ALG6: variants seen among roughly 807,000 people sequenced by gnomAD.
ALG6 encodes the protein dolichyl pyrophosphate Man9GlcNAc2 alpha-1,3-glucosyltransferase.
A neutral mutation model predicts 66.6 loss-of-function variants in ALG6; 46 were observed. The ratio of observed to expected loss-of-function variants is 0.69; its 90% CI spans 0.55 to 0.88. The LOEUF is 0.88. Among genes scored for constraint, ALG6 ranks in the 40% least tolerant of loss-of-function variants. The probability of loss-of-function intolerance (pLI) is 0.00; values close to 1 mark genes in which losing one functional copy is unlikely to be tolerated. For synonymous variants in ALG6, 185 were observed against 203.7 expected (o/e 0.91, Z 0.78); for missense variants, 505 against 586.8 (o/e 0.86, Z 1.44).
intron 2 of ALG6, among the ~76,000 whole-genome samples, chr1:63,379,758 T>C (rs1035049481): frequency 1.3e-5 from 2 of 149,314 alleles, no homozygotes; most frequent in Non-Finnish European, 3.0e-5. Context: ...AAAACAAATA[T>C]AAATCATACA....
chr1:63,435,886 G>C (rs1644676411), intron 14 of ALG6, among the ~76,000 whole-genome samples: 2 of 152,090 alleles, frequency 1.3e-5, no homozygotes, highest in African/African-American at 2.4e-5. Flanking sequence ...CATTGGCCTA[G>C]AGAAGACCAC....
chr1:63,416,546 T>C (rs1427774853), intron 11 of ALG6, among the ~76,000 whole-genome samples: 3 of 152,102 alleles, frequency 2.0e-5, no homozygotes, highest in African/African-American at 7.2e-5. Context: ...GGAGAGGATA[T>C]AGTGAAAGAT....
chr1:63,424,991 G>T (rs1232119811), intron 12 of ALG6, among the ~76,000 whole-genome samples: 6 of 151,952 alleles, frequency 3.9e-5, no homozygotes, highest in Non-Finnish European at 5.9e-5. Flanking sequence ...TGTTGGTCAG[G>T]CTGGTCTCGA....
chr1:63,422,280 AAT>A lies in ALG6; in HGVS notation c.1058+2849_1058+2850del, dbSNP rs1364261695. Among the ~76,000 whole-genome samples the A allele has an allele frequency of 1.3e-4, 10 of 76,056 alleles. 1 individual carries two copies. Among genetic ancestry groups the A allele is most frequent in the African/African-American group, 4.3e-4 (7 of 16,410 alleles). The allele number at this position is 76,056 out of a possible 152,430, so 49.9% of individuals were successfully genotyped here. ...TTATATAGATATAAATATATATATA[AAT>A]ATATATATTTATATAGATATAAATA... On this transcript the variant is annotated intron_variant, in intron 12 of 14. Transcript: ENST00000263440.
At chr1:63,402,507 C>T (rs1204264168) in intron 4 of ALG6, among the ~76,000 whole-genome samples, 164 bp downstream of exon 4, 1 of 140,890 alleles carries the variant, frequency 7.1e-6, no homozygotes, top group Admixed American at 7.3e-5. Flanking sequence ...CACTCCATCG[C>T]CCAGGCTGGA....
intron 14 of ALG6, chr1:63,429,527 A>G (rs1431925410): frequency 1.2e-5 from 2 of 166,638 alleles, no homozygotes; most frequent in Non-Finnish European, 2.6e-5. Context: ...TCTAGAGACT[A>G]AAAGTTCAAG....
chr1:63,384,359 G>C (rs1314429173), intron 2 of ALG6, among the ~76,000 whole-genome samples: 1 of 151,850 alleles, frequency 6.6e-6, no homozygotes, highest in Non-Finnish European at 1.5e-5. Flanking sequence ...TTTTCCTATT[G>C]AGTTGCTTGA....
rs1644468907 is a variant in ALG6, at chr1:63,402,338, A to G, written c.252A>G (p.Ala84=). ...PLTAYHSLLC[A]YVAKFINPDW... is the part of the protein sequence containing the mutation. ...CAGCTTATCATAGTCTCCTATGTGC[A>G]TATGTGTAAGTTTTTCTTTCTTAAT... is the stretch of plus-strand genomic sequence containing the variant. The change falls in exon 4 of 15, where the codon GCA becomes GCG. Residue 84 remains alanine, a synonymous_variant. Transcript: ENST00000263440. 1 of 1,605,526 alleles carries G rather than the reference A, an allele frequency of 6.2e-7. No individual in the cohort carries two copies. Among genetic ancestry groups the G allele is most frequent in the Admixed American group, 1.7e-5 (1 of 59,942 alleles).
chr1:63,414,793 C>T (rs1644534847), intron 10 of ALG6, among the ~76,000 whole-genome samples: 1 of 152,014 alleles, frequency 6.6e-6, no homozygotes, highest in South Asian at 2.1e-4. Context: ...TGTGTGAATT[C>T]GTGACAAGGA....
intron 2 of ALG6, among the ~76,000 whole-genome samples, chr1:63,372,278 A>C (rs1263593410): frequency 6.6e-6 from 1 of 152,188 alleles, no homozygotes; most frequent in Non-Finnish European, 1.5e-5. Context: ...ATGTTAGTGA[A>C]AAAGGGTCAT....
intron 2 of ALG6, among the ~76,000 whole-genome samples, chr1:63,383,999 T>A (rs1648422264): frequency 6.6e-6 from 1 of 152,200 alleles, no homozygotes; most frequent in Non-Finnish European, 1.5e-5. Context: ...AGTGACAGGA[T>A]CTCATTCTTT....
intron 14 of ALG6, among the ~76,000 whole-genome samples, chr1:63,435,152 A>G (rs556443171): frequency 2.0e-4 from 30 of 152,244 alleles, no homozygotes; most frequent in Non-Finnish European, 1.0e-4. Flanking sequence ...GACTGGACAC[A>G]GCATGTTTAT....
intron 2 of ALG6, among the ~76,000 whole-genome samples, chr1:63,390,885 G>A (rs1439890316): frequency 6.6e-6 from 1 of 152,218 alleles, no homozygotes; most frequent in African/African-American, 2.4e-5. Flanking sequence ...GAGAAGTGAT[G>A]TTGACAATTC....
chr1:63,368,243 C>A (rs1006342636), intron 1 of ALG6, among the ~76,000 whole-genome samples: 1 of 152,130 alleles, frequency 6.6e-6, no homozygotes, highest in Non-Finnish European at 1.5e-5. Context: ...GCAAATAACC[C>A]TTTTTCTGGT....
intron 14 of ALG6, among the ~76,000 whole-genome samples, chr1:63,432,255 TG>T (rs1340215374): frequency 4.8e-4 from 49 of 101,080 alleles, no homozygotes; most frequent in African/African-American, 2.0e-3. Context: ...TCTTTGGTCA[TG>T]TGTGTTTTTT....
rs61651569 is a variant in ALG6 at position 63,388,019 on chromosome 1, C to T, written c.83-8494C>T. On this transcript the variant is annotated intron_variant, in intron 2 of 14. Coordinates refer to ENST00000263440, the MANE Select transcript of ALG6 (RefSeq NM_013339.4). ...TCTTGTAGGCAACAGACTGTTCAAG[C>T]GATTCTCTTGCCTCAGCCTGTGGAG... Among the ~76,000 whole-genome samples the T allele has an allele frequency of 1.1e-3, 164 of 152,210 alleles. 2 individuals are homozygous for T. In the East Asian group the frequency reaches 0.028, roughly 26 times the overall value.
At chr1:63,404,425 G>A (rs748544951) in intron 4 of ALG6, 28 bp from the exon 5 acceptor site, 2 of 1,530,804 alleles carry the variant, frequency 1.3e-6, no homozygotes, top group East Asian at 2.3e-5. Flanking sequence ...GAGGAATGAA[G>A]TATCTGTATA....
intron 2 of ALG6, among the ~76,000 whole-genome samples, chr1:63,375,529 G>A (rs1648094916): frequency 6.6e-6 from 1 of 151,588 alleles, no homozygotes; most frequent in Non-Finnish European, 1.5e-5. Context: ...CAAAGTGCTG[G>A]GATTACAGGC....
intron 5 of ALG6, among the ~76,000 whole-genome samples, chr1:63,405,158 C>A (rs1204145913): frequency 6.6e-6 from 1 of 152,092 alleles, no homozygotes; most frequent in Non-Finnish European, 1.5e-5. Context: ...AGAGTTTGTT[C>A]TCCTTACAAT....
Sources: gnomAD v4.1 joint callset for allele counts (sites outside exome capture counted in the v4.1 genomes callset) on GRCh38, gnomAD v4.1.1 for gene constraint, MANE v1.5 for transcripts, NCBI Gene and HGNC (gene_info 2026-07-23, HGNC 2026-07-21) for gene names.